HS6ST2: variants seen among roughly 807,000 people sequenced by gnomAD.
HS6ST2 encodes heparan-sulfate 6-O-sulfotransferase 2.
A neutral mutation model predicts 33.0 loss-of-function variants in HS6ST2; 17 were observed. That is an observed-to-expected ratio of 0.52 (90% confidence interval 0.35 to 0.77). The LOEUF is 0.77. Ranked by LOEUF, HS6ST2 falls within the 30% of genes least tolerant of loss-of-function variation. HS6ST2 has a pLI of 0.01. For missense variants in HS6ST2, 519 were observed against 551.7 expected (o/e 0.94, Z 0.59); for synonymous variants, 248 against 237.1 (o/e 1.05, Z -0.42).
chrX:132,882,039 A>C (rs754654240), intron 2 of HS6ST2, among the ~76,000 whole-genome samples: 1 of 111,526 alleles, frequency 9.0e-6, no homozygotes, highest in South Asian at 3.8e-4. Context: ...CTTGTAGTAT[A>C]GTTTGATGTC....
intron 2 of HS6ST2, among the ~76,000 whole-genome samples, chrX:132,850,792 A>G (rs1001467807): frequency 1.8e-5 from 2 of 111,581 alleles, no homozygotes; most frequent in Non-Finnish European, 3.8e-5. Context: ...TCAATGCATC[A>G]TCAATACAAC....
At chrX:132,716,411 T>C (rs759599889) in intron 2 of HS6ST2, among the ~76,000 whole-genome samples, 1 of 112,055 alleles carries the variant, frequency 8.9e-6, no homozygotes, top group African/African-American at 3.2e-5. Context: ...TAAAACGAAA[T>C]AAAACAAAAT....
chrX:132,695,235 A>C (rs2064094745), intron 3 of HS6ST2, among the ~76,000 whole-genome samples: 1 of 111,681 alleles, frequency 9.0e-6, no homozygotes, highest in East Asian at 2.8e-4. Context: ...CTCAGGGCTC[A>C]CTTGTCCTGG....
rs768873145 is a variant in HS6ST2, at chrX:132,842,905, G to A, written c.947+113903C>T. The stretch of plus-strand genomic sequence containing the variant: ...GGAATTTATAAGAAAATGATGTTGA[G>A]AAACCATTCTATTTCTCCAAGGAGC... On this transcript the variant is annotated intron_variant, in intron 2 of 4. Transcript: ENST00000370833. Among the ~76,000 whole-genome samples the A allele has an allele frequency of 3.6e-5, 4 of 112,319 alleles. No homozygotes were observed. The South Asian group carries it at 1.1e-3, about 31-fold the overall frequency.
chrX:132,869,072 A>G (rs1392218002), intron 2 of HS6ST2, among the ~76,000 whole-genome samples: 2 of 111,445 alleles, frequency 1.8e-5, no homozygotes, highest in African/African-American at 6.5e-5. Context: ...AGAATCAAAT[A>G]GACACAATAA....
chrX:132,728,880 T>C (rs1257473132), intron 2 of HS6ST2, among the ~76,000 whole-genome samples: 1 of 112,630 alleles, frequency 8.9e-6, no homozygotes, highest in Non-Finnish European at 1.9e-5. Flanking sequence ...TAGAAGTATA[T>C]CACTGAAACT....
intron 4 of HS6ST2, among the ~76,000 whole-genome samples, chrX:132,645,070 C>G (rs955465316): frequency 1.8e-5 from 2 of 112,015 alleles, no homozygotes; most frequent in African/African-American, 3.3e-5. Flanking sequence ...TACACCTCCC[C>G]CTTCTTCCAG....
At chrX:132,878,252 G>A (rs910444550) in intron 2 of HS6ST2, among the ~76,000 whole-genome samples, 2 of 111,769 alleles carry the variant, frequency 1.8e-5, no homozygotes, top group East Asian at 2.8e-4. Flanking sequence ...TGAATACCAG[G>A]GCCACCACAC....
rs2067113624 is a variant in HS6ST2 at position 132,958,381 on chromosome X, C to A, written c.222G>T (p.Ala74=). The change falls in exon 1 of 5, where the codon GCG becomes GCT. Residue 74 remains alanine (A), a synonymous_variant. Coordinates refer to ENST00000370833, the MANE Select transcript of HS6ST2 (RefSeq NM_001394073.1). ...ACGCGGCTCCCGCCAGGGAAGAAGA[C>A]GCCTTTCGGGGCTTGTCCAGGAGCG... The part of the protein sequence containing the change: ...TRPLLDKPRK[A]SSSLAGAACA... 1 of 1,199,295 alleles carries A rather than the reference C, an allele frequency of 8.3e-7. No homozygotes were observed. Among genetic ancestry groups the A allele is most frequent in the Admixed American group, 2.2e-5 (1 of 45,880 alleles).
chrX:132,811,102 T>C (rs1193437363), intron 2 of HS6ST2, among the ~76,000 whole-genome samples: 1 of 112,369 alleles, frequency 8.9e-6, no homozygotes, highest in Non-Finnish European at 1.9e-5. Flanking sequence ...TCTCATGCAC[T>C]TTCAAGTTTG....
chrX:132,655,407 A>ACT (rs1171703661), intron 4 of HS6ST2, among the ~76,000 whole-genome samples: 2 of 111,929 alleles, frequency 1.8e-5, no homozygotes, highest in Non-Finnish European at 3.8e-5. Flanking sequence ...TGCCTAAGTC[A>ACT]TCTCAGTGAA....
At chrX:132,752,471 C>CAAAAAAAA in intron 2 of HS6ST2, among the ~76,000 whole-genome samples, 1 of 59,697 alleles carries the variant, frequency 1.7e-5, no homozygotes. Context: ...GACTCCGTCT[C>CAAAAAAAA]AAAAAAAAAA....
intron 3 of HS6ST2, among the ~76,000 whole-genome samples, chrX:132,691,296 T>TAAATGACAACAGAGGAGGA (rs1329953637): frequency 8.9e-6 from 1 of 111,957 alleles, no homozygotes; most frequent in African/African-American, 3.2e-5. Flanking sequence ...GTTTGGGCTG[T>TAAATGACAACAGAGGAGGA]AAATGACAAC....
chrX:132,902,300 A>G (rs1038540322), intron 2 of HS6ST2, among the ~76,000 whole-genome samples: 1 of 110,872 alleles, frequency 9.0e-6, no homozygotes, highest in African/African-American at 3.3e-5. Context: ...GCGGGGTTTC[A>G]CCATGTTGCC....
intron 3 of HS6ST2, among the ~76,000 whole-genome samples, chrX:132,679,916 T>C (rs1348959868): frequency 9.1e-6 from 1 of 109,907 alleles, no homozygotes. Flanking sequence ...AGTTTAAGGT[T>C]ATCTCTCTTG....
At chrX:132,696,750 G>A (rs774082775) in intron 3 of HS6ST2, among the ~76,000 whole-genome samples, 13 of 79,705 alleles carry the variant, frequency 1.6e-4, no homozygotes, top group African/African-American at 5.8e-4. Context: ...GTCATGTTTC[G>A]GTAATATTCC....
At chrX:132,864,346 G>T (rs965432189) in intron 2 of HS6ST2, among the ~76,000 whole-genome samples, 6 of 108,568 alleles carry the variant, frequency 5.5e-5, no homozygotes, top group African/African-American at 2.0e-4. Context: ...AGGAAACTAA[G>T]AACCTTGAAA....
At chrX:132,682,885 C>G (rs933414574) in intron 3 of HS6ST2, among the ~76,000 whole-genome samples, 3 of 110,598 alleles carry the variant, frequency 2.7e-5, no homozygotes, top group Middle Eastern at 4.7e-3. Flanking sequence ...GCAGGATGAT[C>G]GCTTGAGCTC....
At chrX:132,941,715 T>C (rs988337954) in intron 2 of HS6ST2, among the ~76,000 whole-genome samples, 2 of 111,894 alleles carry the variant, frequency 1.8e-5, no homozygotes, top group Non-Finnish European at 3.8e-5. Flanking sequence ...GAGAGGGAGA[T>C]GCAGATTTAA....
Sources: gnomAD v4.1 joint callset for allele counts (sites outside exome capture counted in the v4.1 genomes callset) on GRCh38, gnomAD v4.1.1 for gene constraint, MANE v1.5 for transcripts, NCBI Gene and HGNC (gene_info 2026-07-23, HGNC 2026-07-21) for gene names.